DLGAP1: variants seen among roughly 807,000 people sequenced by gnomAD.
The protein encoded by DLGAP1 is disks large-associated protein 1.
Under a neutral mutation model 90.8 loss-of-function variants are expected in DLGAP1, and 11 were observed. That is an observed-to-expected ratio of 0.12 (90% confidence interval 0.08 to 0.20). The LOEUF (loss-of-function observed/expected upper bound fraction) is 0.20, where lower values mean the gene tolerates loss of function less well. Ranked by LOEUF, DLGAP1 falls within the 10% of genes least tolerant of loss-of-function variation. The pLI, the probability that DLGAP1 is intolerant of heterozygous loss-of-function variation, is 1.00. For missense variants in DLGAP1, 1,050 were observed against 1,333.8 expected, an observed-to-expected ratio of 0.79 and a Z score of 3.31; for synonymous variants, 558 against 540.7, an observed-to-expected ratio of 1.03 and a Z score of -0.44.
At chr18:4,079,537 G>C (rs1175302358) in intron 2 of DLGAP1, among the ~76,000 whole-genome samples, 1 of 151,886 alleles carries the variant, frequency 6.6e-6, no homozygotes, top group Non-Finnish European at 1.5e-5. Context: ...ACTCAGAAGT[G>C]GGGAGGGTGG....
chr18:4,203,110 C>T (rs1442416868), intron 1 of DLGAP1, among the ~76,000 whole-genome samples: 2 of 151,940 alleles, frequency 1.3e-5, no homozygotes, highest in African/African-American at 4.8e-5. Context: ...CCTGTCTCTA[C>T]TAAAAATACA....
intron 7 of DLGAP1, among the ~76,000 whole-genome samples, chr18:3,614,918 TTTTA>T (rs929167786): frequency 6.6e-6 from 1 of 151,768 alleles, no homozygotes; most frequent in Non-Finnish European, 1.5e-5. Context: ...TTTATTTTTA[TTTTA>T]TTTATTTATT....
chr18:3,598,643 T>G (rs1349806701), intron 7 of DLGAP1, among the ~76,000 whole-genome samples: 1 of 151,916 alleles, frequency 6.6e-6, no homozygotes, highest in Non-Finnish European at 1.5e-5. Flanking sequence ...AATTTTTGTA[T>G]TTTTAGTAGA....
intron 1 of DLGAP1, among the ~76,000 whole-genome samples, chr18:4,393,842 C>A (rs909978195): frequency 3.9e-5 from 6 of 152,132 alleles, no homozygotes; most frequent in Non-Finnish European, 7.3e-5. Context: ...TCATAAGAAG[C>A]GTTCAACCTA....
intron 7 of DLGAP1, among the ~76,000 whole-genome samples, chr18:3,721,154 T>C (rs545602373): frequency 5.9e-5 from 9 of 152,304 alleles, no homozygotes; most frequent in East Asian, 1.9e-4. Flanking sequence ...TGTTTTCTGA[T>C]TGACCTTTGT....
rs1013358734 is a variant in DLGAP1 at position 4,342,355 on chromosome 18, A to G, written c.-267+112651T>C. 6.6e-6 allele frequency among the ~76,000 whole-genome samples: 1 copy of G among 152,202 alleles called. No homozygotes were observed. On this transcript the variant is annotated intron_variant, in intron 1 of 12. Coordinates refer to ENST00000315677, the MANE Select transcript of DLGAP1 (RefSeq NM_004746.4). The surrounding 1 kb of genome is among the most constrained non-coding windows in gnomAD (Gnocchi z 5.8). Reference sequence around the variant, plus strand: ...TATTATACTTATGAATATAAATAGAATATGTTAAATGGATAAACACTCCCA... The same window carrying G: ...TATTATACTTATGAATATAAATAGAGTATGTTAAATGGATAAACACTCCCA...
intron 1 of DLGAP1, among the ~76,000 whole-genome samples, chr18:4,198,123 C>G (rs1331702368): frequency 1.3e-5 from 2 of 152,088 alleles, no homozygotes; most frequent in African/African-American, 4.8e-5. Flanking sequence ...ACTCTGGAGG[C>G]TGAGGCAGAA....
intron 2 of DLGAP1, among the ~76,000 whole-genome samples, chr18:4,007,332 C>T (rs1440481083): frequency 6.6e-6 from 1 of 152,012 alleles, no homozygotes; most frequent in Non-Finnish European, 1.5e-5. Flanking sequence ...CCACGTTTCC[C>T]CTCGTGCTGT....
chr18:3,927,814 A>AT (rs59447126), intron 3 of DLGAP1, among the ~76,000 whole-genome samples: 21,850 of 152,152 alleles, frequency 0.14, 1,654 homozygotes, highest in Middle Eastern at 0.19. Flanking sequence ...AGCAGCATGA[A>AT]TTTTTTCCCA....
At chr18:4,432,589 A>AGTGT (rs545618675) in intron 1 of DLGAP1, among the ~76,000 whole-genome samples, 7,106 of 111,360 alleles carry the variant, frequency 0.064, 183 homozygotes, top group Non-Finnish European at 0.091. Context: ...CACCTCACAT[A>AGTGT]GTGTGTGTGT....
intron 8 of DLGAP1, among the ~76,000 whole-genome samples, chr18:3,575,274 TA>T (rs1412157196): frequency 6.6e-6 from 1 of 152,168 alleles, no homozygotes; most frequent in Non-Finnish European, 1.5e-5. Context: ...TTAAAGGAAA[TA>T]AATAAGTCTT....
chr18:3,808,156 T>G (rs1181467387), intron 5 of DLGAP1, among the ~76,000 whole-genome samples: 1 of 152,208 alleles, frequency 6.6e-6, no homozygotes, highest in Non-Finnish European at 1.5e-5. Context: ...TAACAAATAT[T>G]TGAAAGGTAT....
intron 1 of DLGAP1, among the ~76,000 whole-genome samples, chr18:4,347,536 T>G (rs1489849927): frequency 6.6e-6 from 1 of 152,110 alleles, no homozygotes; most frequent in Non-Finnish European, 1.5e-5. Flanking sequence ...AATTCAAGGT[T>G]GGTTCCTACT....
chr18:4,360,977 T>C (rs1346658631), intron 1 of DLGAP1, among the ~76,000 whole-genome samples: 1 of 152,094 alleles, frequency 6.6e-6, no homozygotes. Flanking sequence ...AGTGTGTTTA[T>C]ACTTACCTAT....
intron 5 of DLGAP1, among the ~76,000 whole-genome samples, chr18:3,799,469 T>C (rs1431513111): frequency 6.6e-6 from 1 of 151,838 alleles, no homozygotes; most frequent in East Asian, 1.9e-4. Flanking sequence ...GCAGACCCTG[T>C]TGTACCATGT....
chr18:3,787,375 C>G (rs8083638), intron 5 of DLGAP1, among the ~76,000 whole-genome samples: 101,030 of 150,714 alleles, frequency 0.67, 35,522 homozygotes, highest in Non-Finnish European at 0.8. Context: ...CAGCTACTTG[C>G]AAGGCTGAAG....
chr18:3,823,278 G>A (rs915328488), intron 4 of DLGAP1, among the ~76,000 whole-genome samples: 2 of 152,152 alleles, frequency 1.3e-5, no homozygotes, highest in African/African-American at 4.8e-5. Flanking sequence ...AAGCATCTCT[G>A]GACCTGTGCA....
intron 7 of DLGAP1, chr18:3,607,755 T>C (rs1167009016): frequency 6.6e-6 from 1 of 152,160 alleles, no homozygotes; most frequent in East Asian, 1.9e-4. Flanking sequence ...ATTCTCTCTA[T>C]CCTGCTTGCT....
intron 7 of DLGAP1, among the ~76,000 whole-genome samples, chr18:3,592,862 A>G (rs866136428): frequency 0.059 from 7,547 of 128,154 alleles, 347 homozygotes; most frequent in African/African-American, 0.16. Context: ...AAAAAAAAAA[A>G]AAAAAGAAAA....
Sources: allele counts gnomAD v4.1 joint callset (sites outside exome capture counted in the v4.1 genomes callset), GRCh38; gene constraint gnomAD v4.1.1; non-coding constraint Gnocchi (gnomAD v3.1); transcripts MANE v1.5; gene names NCBI Gene and HGNC (gene_info 2026-07-23, HGNC 2026-07-21).